Variants in GABRB1 observed in about 807,000 individuals in gnomAD.
GABRB1 encodes gamma-aminobutyric acid receptor subunit beta-1.
Under a neutral mutation model 51.6 loss-of-function variants are expected in GABRB1, and 17 were observed. The observed-to-expected ratio is 0.33, with a 90% CI of 0.23 to 0.49. GABRB1 has a LOEUF of 0.49. Ranked by LOEUF, GABRB1 falls within the 20% of genes least tolerant of loss-of-function variation. GABRB1 has a pLI of 0.99. For missense variants in GABRB1, 410 were observed against 600.6 expected (o/e 0.68, Z 3.32); for synonymous variants, 247 against 218.9 (o/e 1.13, Z -1.14).
chr4:47,146,862 G>A (rs962582055), intron 3 of GABRB1, among the ~76,000 whole-genome samples: 10 of 151,978 alleles, frequency 6.6e-5, no homozygotes, highest in African/African-American at 2.4e-4. Context: ...GTTAAATAAT[G>A]TAAAACTTAG....
chr4:47,271,774 T>C (rs1722883735), intron 4 of GABRB1, among the ~76,000 whole-genome samples: 1 of 152,086 alleles, frequency 6.6e-6, no homozygotes. Context: ...GGAAGGAACA[T>C]ATAGAGAAAT....
chr4:47,295,091 A>C (rs1345699480), intron 4 of GABRB1, among the ~76,000 whole-genome samples: 1 of 152,216 alleles, frequency 6.6e-6, no homozygotes, highest in Non-Finnish European at 1.5e-5. Flanking sequence ...GGACATACAC[A>C]ACAAAAACCC....
chr4:47,360,725 C>T (rs1726778464), intron 5 of GABRB1, among the ~76,000 whole-genome samples: 1 of 151,926 alleles, frequency 6.6e-6, no homozygotes, highest in African/African-American at 2.4e-5. Flanking sequence ...TTTGGATACT[C>T]AAAACTACTC....
intron 5 of GABRB1, among the ~76,000 whole-genome samples, chr4:47,365,636 G>A (rs1323149302): frequency 6.6e-6 from 1 of 152,074 alleles, no homozygotes; most frequent in Non-Finnish European, 1.5e-5. Flanking sequence ...TTTACTCCGT[G>A]TCTTCTGGTT....
At chr4:47,245,336 A>G (rs1241497937) in intron 4 of GABRB1, among the ~76,000 whole-genome samples, 1 of 152,206 alleles carries the variant, frequency 6.6e-6, no homozygotes, top group Non-Finnish European at 1.5e-5. Context: ...CAGATAGCCT[A>G]ACAGTTTTGC....
chr4:47,108,361 C>A (rs1001778185), intron 3 of GABRB1, among the ~76,000 whole-genome samples: 2 of 151,968 alleles, frequency 1.3e-5, no homozygotes, highest in Admixed American at 6.6e-5. Context: ...CTTTGACAAA[C>A]CTTCCGGAGT....
chr4:47,202,108 C>T lies in GABRB1; in HGVS notation c.461+40639C>T, dbSNP rs114506037. 8.8e-3 allele frequency among the ~76,000 whole-genome samples: 1,344 copies of T among 152,264 alleles called. 23 individuals carry two copies. Among genetic ancestry groups the T allele is most frequent in the South Asian group, 0.031 (149 of 4,822 alleles). On this transcript the variant is annotated intron_variant, in intron 4 of 8. Coordinates refer to ENST00000295454, the MANE Select transcript of GABRB1 (RefSeq NM_000812.4). Reference sequence around the variant, plus strand: ...CCATAATCCCTATAATTTCCATAATCCCCATTTGTTAAGAAAGAGACCAGG... The same window carrying T: ...CCATAATCCCTATAATTTCCATAATTCCCATTTGTTAAGAAAGAGACCAGG...
intron 5 of GABRB1, among the ~76,000 whole-genome samples, chr4:47,343,438 T>A (rs1725976840): frequency 1.3e-5 from 2 of 152,190 alleles, no homozygotes; most frequent in Admixed American, 6.5e-5. Context: ...AGTAGAAATT[T>A]CTTTAATTTA....
At chr4:47,324,758 A>G (rs779088486) in intron 5 of GABRB1, among the ~76,000 whole-genome samples, 2 of 152,192 alleles carry the variant, frequency 1.3e-5, no homozygotes, top group Non-Finnish European at 2.9e-5. Flanking sequence ...TGATGTTTCA[A>G]AGGCATCTTG....
At chr4:47,250,874 C>T (rs188403520) in intron 4 of GABRB1, among the ~76,000 whole-genome samples, 2 of 152,258 alleles carry the variant, frequency 1.3e-5, no homozygotes, top group East Asian at 3.9e-4. Context: ...TGTATTTCCC[C>T]TTGCATTGCG....
chr4:47,221,534 A>AAAT (rs1476572636), intron 4 of GABRB1, among the ~76,000 whole-genome samples: 1 of 151,944 alleles, frequency 6.6e-6, no homozygotes, highest in Admixed American at 6.6e-5. Flanking sequence ...CTTCTCATTG[A>AAAT]AATAATATAG....
chr4:47,349,395 A>G (rs1726225074), intron 5 of GABRB1, among the ~76,000 whole-genome samples: 1 of 152,126 alleles, frequency 6.6e-6, no homozygotes, highest in African/African-American at 2.4e-5. Context: ...AGGCCAAGGA[A>G]AGAAAGGACA....
At chr4:47,354,771 T>C (rs1346087907) in intron 5 of GABRB1, among the ~76,000 whole-genome samples, 1 of 152,014 alleles carries the variant, frequency 6.6e-6, no homozygotes, top group Non-Finnish European at 1.5e-5. Flanking sequence ...CACTTTTTTT[T>C]TAAACTGCAA....
chr4:47,030,001 CTTTTA>C (rs1725236957), upstream of GABRB1, among the ~76,000 whole-genome samples: 1 of 151,976 alleles, frequency 6.6e-6, no homozygotes, highest in Non-Finnish European at 1.5e-5. Context: ...GTTTTCTTGG[CTTTTA>C]TTTACCCCCT....
intron 5 of GABRB1, among the ~76,000 whole-genome samples, chr4:47,390,544 A>G (rs1344809442): frequency 6.6e-6 from 1 of 152,184 alleles, no homozygotes; most frequent in Non-Finnish European, 1.5e-5. Flanking sequence ...ATCTTTATCC[A>G]TTGACATCAA....
intron 1 of GABRB1, among the ~76,000 whole-genome samples, chr4:47,005,275 A>G: frequency 6.6e-6 from 1 of 152,098 alleles, no homozygotes; most frequent in East Asian, 1.9e-4. Context: ...AAAATTAGCC[A>G]GGCATGGTGG....
intron 3 of GABRB1, among the ~76,000 whole-genome samples, chr4:47,152,027 T>A (rs1717481459): frequency 6.6e-6 from 1 of 152,072 alleles, no homozygotes; most frequent in Non-Finnish European, 1.5e-5. Context: ...GTAAATTTTT[T>A]AACTTAATTT....
intron 4 of GABRB1, among the ~76,000 whole-genome samples, chr4:47,317,565 C>T (rs892248937): frequency 2.0e-5 from 3 of 151,738 alleles, no homozygotes; most frequent in African/African-American, 4.8e-5. Flanking sequence ...TTTTGTAAAA[C>T]ATTTTGAAAA....
intron 4 of GABRB1, among the ~76,000 whole-genome samples, chr4:47,227,639 T>C (rs1179401570): frequency 6.6e-6 from 1 of 152,110 alleles, no homozygotes; most frequent in African/African-American, 2.4e-5. Context: ...TGTACACCCA[T>C]GTAGACCAAT....
Sources: allele counts gnomAD v4.1 joint callset (sites outside exome capture counted in the v4.1 genomes callset), GRCh38; gene constraint gnomAD v4.1.1; transcripts MANE v1.5; gene names NCBI Gene and HGNC (gene_info 2026-07-23, HGNC 2026-07-21).